SMG7: variants seen among roughly 807,000 people sequenced by gnomAD.
SMG7 encodes the protein SMG7 nonsense mediated mRNA decay factor, also known as nonsense-mediated mRNA decay factor SMG7.
Under a neutral mutation model 148.2 loss-of-function variants are expected in SMG7, and 34 were observed. The observed-to-expected ratio is 0.23, with a 90% CI of 0.17 to 0.31. SMG7 has a LOEUF of 0.31. Ranked by LOEUF, SMG7 falls within the 10% of genes least tolerant of loss-of-function variation. The pLI is 1.00. For missense variants in SMG7, 1,114 were observed against 1,408.4 expected (o/e 0.79, Z 3.35); for synonymous variants, 492 against 515.1 (o/e 0.96, Z 0.61).
chr1:183,548,492 C>T (rs1444526344), intron 18 of SMG7, among the ~76,000 whole-genome samples: 2 of 152,034 alleles, frequency 1.3e-5, no homozygotes, highest in African/African-American at 4.8e-5. Context: ...GGAGTATTTT[C>T]AGGGTTTTTT....
chr1:183,550,620 T>A (rs1383759771), intron 20 of SMG7, 131 bp from the exon 21 acceptor site: 1 of 861,056 alleles, frequency 1.2e-6, no homozygotes, highest in Admixed American at 2.6e-5. Flanking sequence ...GAGCCTTTAG[T>A]TTCCCTTTCC....
chr1:183,504,401 T>G (rs1660435875), intron 1 of SMG7, among the ~76,000 whole-genome samples: 1 of 152,084 alleles, frequency 6.6e-6, no homozygotes, highest in Non-Finnish European at 1.5e-5. Context: ...AGTACAATGG[T>G]GTGATCTCGG....
chr1:183,481,834 T>A (rs1557944564), intron 1 of SMG7, among the ~76,000 whole-genome samples: 1 of 151,136 alleles, frequency 6.6e-6, no homozygotes, highest in Non-Finnish European at 1.5e-5. Context: ...CTTATTTTTT[T>A]ATTTTTCTCA....
At chr1:183,529,254 GAC>G in intron 7 of SMG7, 142 bp from the exon 8 acceptor site, 1 of 944,290 alleles carries the variant, frequency 1.1e-6, no homozygotes, top group Non-Finnish European at 1.6e-6. Context: ...TGTTAATACT[GAC>G]TCATCTTGAG....
intron 14 of SMG7, among the ~76,000 whole-genome samples, chr1:183,542,999 T>C (rs1358179500): frequency 2.0e-5 from 3 of 151,506 alleles, no homozygotes; most frequent in Non-Finnish European, 2.9e-5. Context: ...ATATGAGACT[T>C]TTTTATTGAC....
At chr1:183,512,932 C>T in intron 2 of SMG7, 64 bp downstream of exon 2, 14 of 1,438,158 alleles carry the variant, frequency 9.7e-6, no homozygotes, top group Non-Finnish European at 1.2e-5. Flanking sequence ...GAAGGATATC[C>T]TCTTTCTTAT....
chr1:183,475,275 CAT>C (rs961821432), intron 1 of SMG7, among the ~76,000 whole-genome samples: 5 of 152,096 alleles, frequency 3.3e-5, no homozygotes, highest in African/African-American at 1.2e-4. Flanking sequence ...AGTCAGTAAA[CAT>C]AGCAGTTAAA....
In SMG7 at chr1:183,551,897, A is replaced by G; in HGVS notation, c.3530A>G (p.Gln1177Arg). The G allele has an allele frequency of 1.2e-6, 2 of 1,613,860 alleles. No homozygotes were observed. Among genetic ancestry groups the G allele is most frequent in the Non-Finnish European group, 1.7e-6 (2 of 1,179,842 alleles). The change falls in exon 23 of 23, where the codon CAA becomes CGA. Residue 1177 changes from glutamine to arginine, a missense_variant. Around this residue, in one of 4 missense-constraint regions of SMG7, gnomAD observed 788 missense variants for 894.5 expected, o/e 0.88. Transcript: ENST00000688051. ...TTAATGCAGCAGAAGCAGAAACAGC[A>G]ACGGGGACAAGGCACCATGAACCCT... ...QLLMQQKQKQ[Q>R]RGQGTMNPPH
At chr1:183,519,707 G>C (rs535396634) in intron 4 of SMG7, among the ~76,000 whole-genome samples, 51 of 152,048 alleles carry the variant, frequency 3.4e-4, no homozygotes, top group Non-Finnish European at 6.6e-4. Context: ...TACTCTTCTT[G>C]TGTTTCTATA....
rs1393814139 is a variant in SMG7 at position 183,545,278 on chromosome 1, GGAA to G, written c.2337_2339del (p.Lys780del). On this transcript the variant is annotated inframe_deletion, in exon 16 of 23. Coordinates refer to ENST00000688051, the MANE Select transcript of SMG7 (RefSeq NM_001375584.1). ...CCTACAAAAGCTGTGCCGGCTTTGG[GGAA>G]AAGCCCGCCTCACCACTCTGGATTC... 3.4e-5 allele frequency: 55 copies of G among 1,611,872 alleles called. No individual in the cohort carries two copies. The highest frequency in any genetic ancestry group is 4.4e-5 in the Non-Finnish European group (52 of 1,179,970).
intron 4 of SMG7, among the ~76,000 whole-genome samples, chr1:183,518,035 C>T (rs974405063): frequency 3.3e-5 from 5 of 152,098 alleles, no homozygotes; most frequent in African/African-American, 4.8e-5. Context: ...GCAGCCTCAG[C>T]CTCCCTGACT....
At position 183,554,004 on chromosome 1, in the gene SMG7, T is replaced by G. The variant is rs1156312083; in HGVS notation, c.*2073T>G. On this transcript the variant is annotated 3_prime_UTR_variant, in exon 23 of 23. Coordinates refer to ENST00000688051, the MANE Select transcript of SMG7 (RefSeq NM_001375584.1). ...GACTCTTGGGGCGGGATTCCTCGCC[T>G]TATCATCCTCACTGTGGAGTAATGA... 4.6e-5 allele frequency: 7 copies of G among 152,660 alleles called. No individual in the cohort carries two copies. Among genetic ancestry groups the G allele is most frequent in the Admixed American group, 3.9e-4 (6 of 15,286 alleles). 9.5% of individuals were successfully genotyped at this position (152,660 alleles called of 1,614,324 possible).
intron 1 of SMG7, among the ~76,000 whole-genome samples, chr1:183,509,543 G>A (rs183683585): frequency 3.5e-4 from 53 of 152,152 alleles, no homozygotes; most frequent in Non-Finnish European, 6.2e-4. Flanking sequence ...TAGCTATCCC[G>A]TAGGGTTGTT....
At chr1:183,523,716 A>G (rs1376821076) in intron 4 of SMG7, among the ~76,000 whole-genome samples, 2 of 152,162 alleles carry the variant, frequency 1.3e-5, no homozygotes, top group Non-Finnish European at 2.9e-5. Flanking sequence ...GTCTGATATC[A>G]CCACTTAAAC....
rs537085379 is a variant in SMG7 at position 183,495,181 on chromosome 1, C to CA, written c.30-17655dup. Among the ~76,000 whole-genome samples, 152 of 151,952 alleles carry CA rather than the reference C, an allele frequency of 1.0e-3. 2 individuals carry two copies. The highest frequency in any genetic ancestry group is 5.0e-3 in the Admixed American group (76 of 15,254). ...TATATATTTTTTTCTCTCCTTTTAT[C>CA]ATTGTTTTTCAGCGATTTGATTAAA... On this transcript the variant is annotated intron_variant, in intron 1 of 22. Transcript: ENST00000688051.
chr1:183,549,978 T>A, intron 20 of SMG7, 55 bp downstream of exon 20: 1 of 1,220,088 alleles, frequency 8.2e-7, no homozygotes, highest in Non-Finnish European at 1.2e-6. Context: ...CTCAGATTGA[T>A]TAAGGGATAG....
chr1:183,528,982 A>C lies in SMG7; in HGVS notation c.647A>C (p.Lys216Thr). 6.2e-7 allele frequency: 1 copy of C among 1,613,778 alleles called. No homozygotes were observed. The highest frequency in any genetic ancestry group is 8.5e-7 in the Non-Finnish European group (1 of 1,179,744). The change falls in exon 7 of 23, where the codon AAG becomes ACG. Residue 216 changes from lysine to threonine, a missense_variant. Lys to Thr is a moderately conservative substitution (Grantham distance 78). Around this residue, in one of 4 missense-constraint regions of SMG7, gnomAD observed 216 missense variants for 329.1 expected, o/e 0.66. Coordinates refer to ENST00000688051, the MANE Select transcript of SMG7 (RefSeq NM_001375584.1). ...TACTACTGCAGAAGCATTGCTGTGA[A>C]GTTCCCTTTCCCAGCTGCCTCCACT... Reference protein sequence around the residue: ...IFYYCRSIAVKFPFPAASTNL... With the variant: ...IFYYCRSIAVTFPFPAASTNL...
In SMG7 at chr1:183,526,755, C is replaced by G; in HGVS notation, c.472C>G (p.Leu158Val). 1 of 1,610,632 alleles carries G rather than the reference C, an allele frequency of 6.2e-7. No homozygotes were observed. The highest frequency in any genetic ancestry group is 8.5e-7 in the Non-Finnish European group (1 of 1,178,522). Residue 158 changes from leucine to valine, a missense_variant, in exon 5 of 23, where the codon CTT (leucine) becomes GTT (valine). By Grantham distance (32) the Leu-to-Val change is conservative (BLOSUM62 1). Transcript: ENST00000688051. Reference sequence around the variant, plus strand: ...TATCTGCCAGCACTGCCTCGTCCACCTTGGAGACATTGGTGAGCCTTTGCT... The same window carrying G: ...TATCTGCCAGCACTGCCTCGTCCACGTTGGAGACATTGGTGAGCCTTTGCT... ...SYICQHCLVH[L>V]GDIARYRNQT...
chr1:183,531,760 C>G (rs1666908270), intron 8 of SMG7, among the ~76,000 whole-genome samples: 1 of 152,132 alleles, frequency 6.6e-6, no homozygotes, highest in Non-Finnish European at 1.5e-5. Flanking sequence ...TTTATAGATA[C>G]AGGAAATACA....
Sources: allele counts gnomAD v4.1 joint callset (sites outside exome capture counted in the v4.1 genomes callset), GRCh38; gene constraint gnomAD v4.1.1; regional missense constraint gnomAD v4.1.1; transcripts MANE v1.5; gene names NCBI Gene and HGNC (gene_info 2026-07-23, HGNC 2026-07-21).